The following LNX1 variants were observed in gnomAD, a reference collection of about 807,000 sequenced individuals.
LNX1 encodes ligand of numb-protein X 1.
LNX1 carries 54 observed loss-of-function variants against 68.4 expected under a neutral mutation model. The ratio of observed to expected loss-of-function variants is 0.79; its 90% CI spans 0.63 to 0.99. The LOEUF is 0.99. Ranked by LOEUF, LNX1 falls within the 50% of genes least tolerant of loss-of-function variation. The pLI, the probability that LNX1 is intolerant of heterozygous loss-of-function variation, is 0.00. For missense variants in LNX1, 906 were observed against 926.4 expected, an observed-to-expected ratio of 0.98 and a Z score of 0.29; for synonymous variants, 336 against 350.0, an observed-to-expected ratio of 0.96 and a Z score of 0.45.
chr4:53,634,324 C>T (rs1734382892), intron 1 of LNX1, among the ~76,000 whole-genome samples: 1 of 150,944 alleles, frequency 6.6e-6, no homozygotes, highest in South Asian at 2.1e-4. Context: ...GCTCATTGCA[C>T]CCTCCACCTC....
At chr4:53,462,776 T>G (rs1223132133) in intron 9 of LNX1, among the ~76,000 whole-genome samples, 3 of 152,198 alleles carry the variant, frequency 2.0e-5, no homozygotes, top group Admixed American at 2.0e-4. Flanking sequence ...ACAATTTCTT[T>G]TACTGAAATG....
chr4:53,565,711 G>A, intron 2 of LNX1, among the ~76,000 whole-genome samples: 1 of 150,436 alleles, frequency 6.6e-6, no homozygotes, highest in African/African-American at 2.4e-5. Flanking sequence ...AGCTACGGGA[G>A]GACATTCAAA....
intron 9 of LNX1, among the ~76,000 whole-genome samples, chr4:53,469,668 A>G (rs1471107197): frequency 2.6e-5 from 4 of 152,174 alleles, no homozygotes; most frequent in African/African-American, 9.7e-5. Context: ...TATCACCACC[A>G]ATCCCACAGA....
chr4:53,491,856 G>A (rs1174013495), intron 6 of LNX1, among the ~76,000 whole-genome samples: 1 of 146,784 alleles, frequency 6.8e-6, no homozygotes, highest in African/African-American at 2.5e-5. Flanking sequence ...GGAGTACAAT[G>A]GCGCGATCTT....
chr4:53,617,770 C>T (rs1182805623), upstream of LNX1, among the ~76,000 whole-genome samples: 1 of 152,194 alleles, frequency 6.6e-6, no homozygotes, highest in African/African-American at 2.4e-5. Context: ...AAACCTGTAA[C>T]AACTGGGTTT....
chr4:53,542,403 T>C (rs1728822935), intron 2 of LNX1, among the ~76,000 whole-genome samples: 1 of 152,114 alleles, frequency 6.6e-6, no homozygotes, highest in East Asian at 1.9e-4. Context: ...TCACTGTTAG[T>C]CCAAAGAAAG....
In LNX1 at chr4:53,459,691, G is replaced by GAGTC. The variant is rs1479779772; in HGVS notation, c.*1212_*1215dup. On this transcript the variant is annotated 3_prime_UTR_variant, in exon 11 of 11. Coordinates refer to ENST00000263925, the MANE Select transcript of LNX1 (RefSeq NM_001126328.3). ...TTATATCCAAGAAAGGAATGTGAAT[G>GAGTC]AGTCACTTAACAGGGAATCTAAAGA... The GAGTC allele has an allele frequency of 5.7e-6, 3 of 523,556 alleles. No individual in the cohort carries two copies. The highest frequency in any genetic ancestry group is 3.8e-5 in the African/African-American group (2 of 52,194). 32.4% of individuals were successfully genotyped at this position (523,556 alleles called of 1,614,324 possible).
intron 2 of LNX1, among the ~76,000 whole-genome samples, chr4:53,608,186 C>T (rs1387934767): frequency 6.6e-6 from 1 of 152,174 alleles, no homozygotes; most frequent in Non-Finnish European, 1.5e-5. Flanking sequence ...AGACAGCCTA[C>T]AGTATGGGAG....
chr4:53,611,306 TA>T (rs1214030637), intron 2 of LNX1, among the ~76,000 whole-genome samples: 1 of 152,106 alleles, frequency 6.6e-6, no homozygotes, highest in Non-Finnish European at 1.5e-5. Flanking sequence ...AAAGTTATAC[TA>T]AAATATGCAA....
intron 4 of LNX1, among the ~76,000 whole-genome samples, chr4:53,505,251 C>A (rs1373356452): frequency 1.4e-5 from 2 of 146,684 alleles, no homozygotes; most frequent in Non-Finnish European, 3.0e-5. Flanking sequence ...GCAAATAAAT[C>A]TTTTTCAAGA....
At chr4:53,574,214 G>A (rs868136311) in intron 1 of LNX1, 126 bp from the exon 2 acceptor site, 1 of 765,284 alleles carries the variant, frequency 1.3e-6, no homozygotes. Context: ...CCAGGGTTGA[G>A]GGTCCACTCT....
chr4:53,520,523 G>T (rs528540259), intron 2 of LNX1, among the ~76,000 whole-genome samples: 1 of 152,320 alleles, frequency 6.6e-6, no homozygotes, highest in African/African-American at 2.4e-5. Flanking sequence ...TTTGGGGAGG[G>T]GGAGCAGGCA....
intron 1 of LNX1, among the ~76,000 whole-genome samples, chr4:53,587,724 A>T (rs755716156): frequency 6.6e-6 from 1 of 152,170 alleles, no homozygotes. Context: ...GAGGAATTCA[A>T]ATATAGAAAG....
chr4:53,631,169 A>AG (rs1291545442), intron 1 of LNX1, among the ~76,000 whole-genome samples: 1 of 152,176 alleles, frequency 6.6e-6, no homozygotes, highest in African/African-American at 2.4e-5. Context: ...TTTAGTACCC[A>AG]GGGGGAGACA....
rs557686801 is a variant in LNX1 at position 53,460,150 on chromosome 4, G to C, written c.*757C>G. On this transcript the variant is annotated 3_prime_UTR_variant, in exon 11 of 11. Coordinates refer to ENST00000263925, the MANE Select transcript of LNX1 (RefSeq NM_001126328.3). ...TTTAAATCGCCTCATGACCATGTCT[G>C]TGAGCCAGGGTCAAGCTGGTTTGGC... 1.4e-4 allele frequency: 27 copies of C among 199,056 alleles called. No individual in the cohort carries two copies. Among genetic ancestry groups the C allele is most frequent in the African/African-American group, 5.5e-4 (24 of 43,588 alleles). The allele number at this position is 199,056 out of a possible 1,614,324, so 12.3% of individuals were successfully genotyped here. A position where few individuals can be genotyped will look rare whatever the true frequency, so the allele number is the denominator to read the frequency against.
intron 7 of LNX1, among the ~76,000 whole-genome samples, chr4:53,480,264 G>A (rs6834099): frequency 0.22 from 33,603 of 151,968 alleles, 4,138 homozygotes; most frequent in South Asian, 0.51. Context: ...TTACAATTCC[G>A]ACTAAGTCAG....
rs1016284328 is a variant in LNX1, at chr4:53,583,969, A to G, written c.-87+7419T>C. On this transcript the variant is annotated intron_variant, in intron 1 of 10. Coordinates refer to ENST00000263925, the MANE Select transcript of LNX1 (RefSeq NM_001126328.3). The stretch of plus-strand genomic sequence containing the variant: ...CAACAACAACAACAACAACAACAAC[A>G]ACAACGACAAATGAAGGCAGAGTAT... Among the ~76,000 whole-genome samples the G allele has an allele frequency of 2.1e-3, 259 of 124,662 alleles. 2 individuals carry two copies. Among genetic ancestry groups the G allele is most frequent in the Non-Finnish European group, 2.9e-3 (162 of 56,070 alleles). 81.8% of individuals were successfully genotyped at this position (124,662 alleles called of 152,430 possible). A position where few individuals can be genotyped will look rare whatever the true frequency, so the allele number is the denominator to read the frequency against.
chr4:53,621,079 T>C (rs1733851331), upstream of LNX1, among the ~76,000 whole-genome samples: 2 of 152,144 alleles, frequency 1.3e-5, no homozygotes, highest in African/African-American at 4.8e-5. Context: ...TTACTCAGAG[T>C]GTGGTGCACA....
In LNX1 at chr4:53,557,820, C is replaced by A; in HGVS notation, c.380+15803G>T. 3 of 1,604,570 alleles carry A rather than the reference C, an allele frequency of 1.9e-6. No individual in the cohort carries two copies. The South Asian group carries it at 3.3e-5, about 18-fold the overall frequency. On this transcript the variant is annotated intron_variant, in intron 2 of 10. Coordinates refer to ENST00000263925, the MANE Select transcript of LNX1 (RefSeq NM_001126328.3). ...AGCTAGGGAATGGACTCGGGTCCCA[C>A]CCCCAACATACTAGGCACATAAACA...
Sources: gnomAD v4.1 joint callset for allele counts (sites outside exome capture counted in the v4.1 genomes callset) on GRCh38, gnomAD v4.1.1 for gene constraint, MANE v1.5 for transcripts, NCBI Gene and HGNC (gene_info 2026-07-23, HGNC 2026-07-21) for gene names.